The following SNED1 variants were observed in gnomAD, a reference collection of about 807,000 sequenced individuals.
SNED1 encodes the protein sushi, nidogen and EGF-like domain-containing protein 1.
A neutral mutation model predicts 166.7 loss-of-function variants in SNED1; 81 were observed. The observed-to-expected ratio is 0.49, with a 90% confidence interval of 0.41 to 0.58. The LOEUF (loss-of-function observed/expected upper bound fraction) is 0.58, where lower values mean the gene tolerates loss of function less well. SNED1 is among the 20% of genes least tolerant of loss of function. The pLI is 0.00. For synonymous variants in SNED1, 762 were observed against 822.0 expected (o/e 0.93, Z 1.25); for missense variants, 1,604 against 2,000.2 (o/e 0.80, Z 3.78).
intron 8 of SNED1, among the ~76,000 whole-genome samples, chr2:241,043,798 G>A (rs1306191957): frequency 1.3e-5 from 2 of 152,186 alleles, no homozygotes; most frequent in Non-Finnish European, 2.9e-5. Flanking sequence ...CCATTGTAAT[G>A]TGAAAGCAGC....
At chr2:241,062,558 G>C (rs561924060) in intron 16 of SNED1, among the ~76,000 whole-genome samples, 264 of 152,242 alleles carry the variant, frequency 1.7e-3, no homozygotes, top group African/African-American at 6.0e-3. Context: ...TCTTCTGGGA[G>C]CCCTGGGGTG....
intron 27 of SNED1, among the ~76,000 whole-genome samples, chr2:241,077,557 C>G (rs1027069892): frequency 6.6e-6 from 1 of 152,008 alleles, no homozygotes; most frequent in Non-Finnish European, 1.5e-5. Context: ...GCTCTGACAA[C>G]TGAACAATAA....
intron 1 of SNED1, among the ~76,000 whole-genome samples, chr2:241,027,484 G>A (rs1420687147): frequency 6.6e-6 from 1 of 152,182 alleles, no homozygotes; most frequent in East Asian, 1.9e-4. Flanking sequence ...CCTGCCAGCT[G>A]TTAGCTATTG....
chr2:241,090,072 C>T, intron 31 of SNED1: 1 of 1,517,682 alleles, frequency 6.6e-7, no homozygotes. Context: ...CCTTAGCTTA[C>T]TGTAACTTTT....
chr2:241,014,943 G>A (rs779556338), intron 1 of SNED1, among the ~76,000 whole-genome samples: 40 of 152,160 alleles, frequency 2.6e-4, no homozygotes, highest in African/African-American at 3.6e-4. Flanking sequence ...CCCCAGCGCC[G>A]TTGTGGCTGT....
intron 1 of SNED1, among the ~76,000 whole-genome samples, chr2:241,009,559 G>C (rs575449658): frequency 7.9e-5 from 12 of 152,132 alleles, no homozygotes; most frequent in African/African-American, 2.9e-4. Flanking sequence ...GGGCACGGGG[G>C]CTGGGGGCAT....
In SNED1 at chr2:241,071,782, C is replaced by A; in HGVS notation, c.3735-14C>A. 2 of 1,585,136 alleles carry A rather than the reference C, an allele frequency of 1.3e-6. No individual in the cohort carries two copies. Among genetic ancestry groups the A allele is most frequent in the Non-Finnish European group, 1.7e-6 (2 of 1,165,216 alleles). On this transcript the variant is annotated splice_polypyrimidine_tract_variant and intron_variant, in intron 25 of 31. Coordinates refer to ENST00000310397, the MANE Select transcript of SNED1 (RefSeq NM_001080437.3). ...GGCGCTCGGACTGTGGTGACCCTCC[C>A]ACCCTCTCTGCAGGTTCTCGGAGCT...
chr2:241,003,517 C>A (rs544872260), intron 1 of SNED1, among the ~76,000 whole-genome samples: 44 of 152,366 alleles, frequency 2.9e-4, no homozygotes, highest in African/African-American at 9.9e-4. Context: ...AGCAGTCCCA[C>A]CTTCCCTGAC....
Position 241,065,355 on chromosome 2 carries a change from A to G in SNED1, c.2770A>G (p.Ile924Val), listed in dbSNP as rs974365114. ...MERVEESGVS[I>V]SWNPPNGPAA... ...GAGAGTGGAGGAGAGTGGGGTCTCT[A>G]TCTCCTGGAACCCGCCCAATGGTCC... is the stretch of plus-strand genomic sequence containing the variant. Residue 924 changes from isoleucine (I) to valine (V), a missense_variant, in exon 21 of 32, where the codon ATC becomes GTC. Physicochemically the swap from Ile to Val is conservative, Grantham distance 29. Coordinates refer to ENST00000310397, the MANE Select transcript of SNED1 (RefSeq NM_001080437.3). 1 of 1,612,888 alleles carries G rather than the reference A, an allele frequency of 6.2e-7. No individual in the cohort carries two copies. Among genetic ancestry groups the G allele is most frequent in the Non-Finnish European group, 8.5e-7 (1 of 1,179,844 alleles).
chr2:241,036,846 T>A lies in SNED1; in HGVS notation c.862T>A (p.Cys288Ser). Residue 288 changes from cysteine to serine, a missense_variant, in exon 5 of 32, where the codon TGC becomes AGC. By Grantham distance (112) the Cys-to-Ser change is moderately radical. This residue lies in a region of SNED1 where 1,237 missense variants were observed against 1,620.8 expected (regional missense o/e 0.76). Coordinates refer to ENST00000310397, the MANE Select transcript of SNED1 (RefSeq NM_001080437.3). ...CAACGGCGGCAAGTGCATCGACGAC[T>A]GCGTCACGGGCAACCCCTCCTACAC... is the stretch of plus-strand genomic sequence containing the variant. Reference protein sequence around the residue: ...CLNGGKCIDDCVTGNPSYTCS... With the variant: ...CLNGGKCIDDSVTGNPSYTCS... The A allele has an allele frequency of 6.2e-7, 1 of 1,611,586 alleles. No homozygotes were observed. The highest frequency in any genetic ancestry group is 8.5e-7 in the Non-Finnish European group (1 of 1,179,676).
At chr2:241,024,652 C>CTTATTTTATT (rs371310534) in intron 1 of SNED1, among the ~76,000 whole-genome samples, 20,111 of 139,536 alleles carry the variant, frequency 0.14, 1,589 homozygotes, top group East Asian at 0.17. Context: ...CTTATTTTAT[C>CTTATTTTATT]TTATTTTATT....
At position 241,051,670 on chromosome 2, in the gene SNED1, GC is replaced by G; in HGVS notation, c.1736-72del. 8.2e-7 allele frequency: 1 copy of G among 1,214,076 alleles called. No individual in the cohort carries two copies. The highest frequency in any genetic ancestry group is 1.1e-6 in the Non-Finnish European group (1 of 895,012). 75.2% of individuals were successfully genotyped at this position (1,214,076 alleles called of 1,614,324 possible). A position where few individuals can be genotyped will look rare whatever the true frequency, so the allele number is the denominator to read the frequency against. On this transcript the variant is annotated intron_variant, in intron 12 of 31. Coordinates refer to ENST00000310397, the MANE Select transcript of SNED1 (RefSeq NM_001080437.3). This position sits in a 1 kb window ranked among gnomAD's most constrained non-coding sequence, Gnocchi z 4.7. ...ACCAGCACCAGAGGACTGAGGAGAT[GC>G]CAGGAGGGTATAGTGGCTCTGTGGG...
intron 5 of SNED1, 24 bp from the exon 6 acceptor site, chr2:241,037,216 G>GC: frequency 6.4e-7 from 1 of 1,570,294 alleles, no homozygotes. Flanking sequence ...CGCCGCTGAG[G>GC]CCTCAGCCTG....
chr2:241,071,657 G>A lies in SNED1; in HGVS notation c.3671G>A (p.Arg1224His), dbSNP rs760235034. ...CTCAAGAACAGACCGCCCCCGGCGC[G>A]CCTGCCGGAGCTGCGCCTGCTCAAT... is the stretch of plus-strand genomic sequence containing the variant. Reference protein sequence around the residue: ...RVLKNRPPPARLPELRLLNDH... With the variant: ...RVLKNRPPPAHLPELRLLNDH... Residue 1224 changes from arginine (R) to histidine (H), a missense_variant, in exon 25 of 32, where the codon CGC becomes CAC. Coordinates refer to ENST00000310397, the MANE Select transcript of SNED1 (RefSeq NM_001080437.3). The A allele has an allele frequency of 1.0e-5, 16 of 1,565,962 alleles. No individual in the cohort carries two copies. Among genetic ancestry groups the A allele is most frequent in the African/African-American group, 5.4e-5 (4 of 74,082 alleles).
At position 241,088,369 on chromosome 2, in the gene SNED1, CAAAGT is replaced by C. The variant is rs749985826; in HGVS notation, c.4213_4217del (p.Ser1405GlufsTer11). ...ACTTTTCTCTAATTATTTCAGGAAACAAAGTAAGAGTCAGACACTGGAGAAATCTT... is the reference window on the plus strand; with the variant it reads ...ACTTTTCTCTAATTATTTCAGGAAACAAGAGTCAGACACTGGAGAAATCTT... On this transcript the variant is annotated frameshift_variant, in exon 31 of 32. Transcript: ENST00000310397. LOFTEE classifies it high-confidence loss of function. The C allele has an allele frequency of 1.6e-5, 25 of 1,609,388 alleles. No individual in the cohort carries two copies. The East Asian group carries it at 4.5e-4, about 29-fold the overall frequency.
intron 27 of SNED1, among the ~76,000 whole-genome samples, chr2:241,080,544 A>G (rs1022485101): frequency 3.9e-5 from 6 of 152,214 alleles, no homozygotes; most frequent in African/African-American, 1.4e-4. Context: ...TGTGGACAAA[A>G]TAAGCCCAGG....
chr2:241,089,565 C>A (rs1048366678), intron 31 of SNED1, among the ~76,000 whole-genome samples: 1 of 152,076 alleles, frequency 6.6e-6, no homozygotes, highest in Non-Finnish European at 1.5e-5. Flanking sequence ...TCTGCCTCTT[C>A]GGATGTGGAA....
At chr2:241,024,412 AT>A (rs1283312036) in intron 1 of SNED1, among the ~76,000 whole-genome samples, 25 of 147,462 alleles carry the variant, frequency 1.7e-4, no homozygotes, top group Non-Finnish European at 3.0e-4. Flanking sequence ...CACCCAGCTA[AT>A]TTTTTTTGTA....
intron 21 of SNED1, among the ~76,000 whole-genome samples, chr2:241,066,513 C>T (rs944533828): frequency 6.6e-6 from 1 of 152,196 alleles, no homozygotes; most frequent in Non-Finnish European, 1.5e-5. Flanking sequence ...ATGGGACTCT[C>T]ACCCAACATG....
Sources: allele counts gnomAD v4.1 joint callset (sites outside exome capture counted in the v4.1 genomes callset), GRCh38; gene constraint gnomAD v4.1.1; regional missense constraint gnomAD v4.1.1; non-coding constraint Gnocchi (gnomAD v3.1); transcripts MANE v1.5; gene names NCBI Gene and HGNC (gene_info 2026-07-23, HGNC 2026-07-21).